Variants in TUBGCP4 observed in about 807,000 individuals in gnomAD.
TUBGCP4 encodes the protein tubulin gamma complex component 4.
TUBGCP4 carries 54 observed loss-of-function variants against 91.6 expected under a neutral mutation model. The ratio of observed to expected loss-of-function variants is 0.59; its 90% CI spans 0.47 to 0.74. The LOEUF (loss-of-function observed/expected upper bound fraction) is 0.74, where lower values mean the gene tolerates loss of function less well. Among genes scored for constraint, TUBGCP4 ranks in the 30% least tolerant of loss-of-function variants. The probability of loss-of-function intolerance (pLI) is 0.00; values close to 1 mark genes in which losing one functional copy is unlikely to be tolerated. For synonymous variants in TUBGCP4, 297 were observed against 302.8 expected (o/e 0.98, Z 0.20); for missense variants, 593 against 800.9 (o/e 0.74, Z 3.13).
chr15:43,381,178 TTC>T (rs1430866593), intron 6 of TUBGCP4, among the ~76,000 whole-genome samples: 12 of 152,198 alleles, frequency 7.9e-5, no homozygotes, highest in African/African-American at 2.9e-4. Flanking sequence ...AGGGACTTAA[TTC>T]TCTATTATAC....
rs1280708021 is a variant in TUBGCP4, at chr15:43,395,142, A to G, written c.1050A>G (p.Leu350=). The part of the protein sequence containing the change: ...LWKLMVEESD[L]LGQLKIIKDF... ...AGTTGATGGTAGAAGAATCCGATTT[A>G]CTGGGTCAGCTGAAGGTAATGGCTT... Residue 350 remains leucine, a synonymous_variant, in exon 10 of 18, where the codon TTA becomes TTG. Coordinates refer to ENST00000564079, the MANE Select transcript of TUBGCP4 (RefSeq NM_014444.5). The G allele has an allele frequency of 1.2e-6, 2 of 1,613,996 alleles. No homozygotes were observed. Among genetic ancestry groups the G allele is most frequent in the Admixed American group, 1.7e-5 (1 of 59,992 alleles).
rs368398415 is a variant in TUBGCP4, at chr15:43,371,364, G to A, written c.10G>A (p.Glu4Lys). 1.2e-6 allele frequency: 2 copies of A among 1,613,894 alleles called. No individual in the cohort carries two copies. The highest frequency in any genetic ancestry group is 1.3e-5 in the African/African-American group (1 of 74,926). Residue 4 changes from glutamate to lysine, a missense_variant, in exon 1 of 18, where the codon GAA (glutamate) becomes AAA (lysine). Physicochemically the swap from Glu to Lys is moderately conservative, Grantham distance 56. Coordinates refer to ENST00000564079, the MANE Select transcript of TUBGCP4 (RefSeq NM_014444.5). ...GAGGTCCGCCGTGGGAATGATCCACGAACTGCTCTTGGCTCTGAGCGGGTA... is the reference window on the plus strand; with the variant it reads ...GAGGTCCGCCGTGGGAATGATCCACAAACTGCTCTTGGCTCTGAGCGGGTA... MIH[E>K]LLLALSGYPG...
At position 43,408,758 on chromosome 15, in the gene TUBGCP4, A is replaced by G. The variant is rs967661756; in HGVS notation, c.*3544A>G. 1.9e-5 allele frequency: 15 copies of G among 786,482 alleles called. No individual in the cohort carries two copies. Among genetic ancestry groups the G allele is most frequent in the Non-Finnish European group, 3.0e-5 (15 of 494,146 alleles). The allele number at this position is 786,482 out of a possible 1,614,324, so 48.7% of individuals were successfully genotyped here. ...GGAAATAAACTAGATAAACTCCTGA[A>G]GTCATTTCAAACCCACTCAAATTTA... is the stretch of plus-strand genomic sequence containing the variant. On this transcript the variant is annotated 3_prime_UTR_variant, in exon 18 of 18. Coordinates refer to ENST00000564079, the MANE Select transcript of TUBGCP4 (RefSeq NM_014444.5).
intron 9 of TUBGCP4, among the ~76,000 whole-genome samples, chr15:43,392,068 A>T (rs1006907246): frequency 4.3e-5 from 6 of 141,008 alleles, no homozygotes; most frequent in African/African-American, 1.7e-4. Flanking sequence ...ATAAAATAAA[A>T]TAGAGATACA....
chr15:43,381,098 C>T (rs895338299), intron 6 of TUBGCP4, among the ~76,000 whole-genome samples: 7 of 152,264 alleles, frequency 4.6e-5, no homozygotes, highest in African/African-American at 1.7e-4. Flanking sequence ...TGAGCCACCG[C>T]ACCCGGCCAC....
rs2044348351 is a variant in TUBGCP4 at position 43,385,829 on chromosome 15, G to A, written c.762G>A (p.Leu254=). ...IEEENMLAPS[L]KQFSLRVEIL... is the part of the protein sequence containing the mutation. ...AAGAGAACATGCTGGCACCATCTCT[G>A]AAGCAGTTTTCCCTACGAGTGGAGA... Residue 254 remains leucine (L), a synonymous_variant, in exon 8 of 18, where the codon CTG becomes CTA. Coordinates refer to ENST00000564079, the MANE Select transcript of TUBGCP4 (RefSeq NM_014444.5). 2 of 1,614,134 alleles carry A rather than the reference G, an allele frequency of 1.2e-6. No homozygotes were observed. Among genetic ancestry groups the A allele is most frequent in the Non-Finnish European group, 1.7e-6 (2 of 1,180,022 alleles).
intron 4 of TUBGCP4, among the ~76,000 whole-genome samples, chr15:43,377,403 A>G (rs1406834416): frequency 6.6e-6 from 1 of 152,130 alleles, no homozygotes; most frequent in Admixed American, 6.5e-5. Context: ...TGGTTGGATC[A>G]CTTGAGGTCA....
chr15:43,400,290 G>A, intron 14 of TUBGCP4, 69 bp downstream of exon 14: 1 of 1,330,818 alleles, frequency 7.5e-7, no homozygotes, highest in Non-Finnish European at 1.1e-6. Context: ...AGGGAGTATT[G>A]AATAGGGACT....
rs980065602 is a variant in TUBGCP4 at position 43,408,376 on chromosome 15, G to A, written c.*3162G>A. 9.3e-6 allele frequency: 3 copies of A among 320,980 alleles called. No individual in the cohort carries two copies. The highest frequency in any genetic ancestry group is 9.7e-4 in the Middle Eastern group (1 of 1,034). 19.9% of individuals were successfully genotyped at this position (320,980 alleles called of 1,614,324 possible). The stretch of plus-strand genomic sequence containing the variant: ...AGTGCCTGTAGTCCCAGCAGCTTGG[G>A]AGGCTGAGGTAGGGGGATCACTTCA... On this transcript the variant is annotated 3_prime_UTR_variant, in exon 18 of 18. Transcript: ENST00000564079.
intron 9 of TUBGCP4, chr15:43,391,574 C>T (rs929075502): frequency 6.6e-5 from 10 of 152,234 alleles, no homozygotes; most frequent in Admixed American, 5.2e-4. Flanking sequence ...TGGTCCCCCA[C>T]TCCCAGGTGG....
chr15:43,380,027 T>C, intron 5 of TUBGCP4, 57 bp from the exon 6 acceptor site: 3 of 1,526,504 alleles, frequency 2.0e-6, no homozygotes, highest in Non-Finnish European at 2.7e-6. Context: ...AATAAGAATG[T>C]GTCTTGCATG....
Position 43,408,661 on chromosome 15 carries a change from C to T in TUBGCP4, c.*3447C>T, listed in dbSNP as rs1172071848. The T allele has an allele frequency of 4.0e-6, 2 of 505,232 alleles. No individual in the cohort carries two copies. Among genetic ancestry groups the T allele is most frequent in the South Asian group, 2.6e-5 (1 of 39,022 alleles). 31.3% of individuals were successfully genotyped at this position (505,232 alleles called of 1,614,324 possible). A position where few individuals can be genotyped will look rare whatever the true frequency, so the allele number is the denominator to read the frequency against. ...CTTAAAACTTAGTTCTCTGACTTTA[C>T]AGGTTGAGAATATTGAACCTATATA... On this transcript the variant is annotated 3_prime_UTR_variant, in exon 18 of 18. Coordinates refer to ENST00000564079, the MANE Select transcript of TUBGCP4 (RefSeq NM_014444.5).
intron 1 of TUBGCP4, among the ~76,000 whole-genome samples, chr15:43,373,435 A>G (rs1412550921): frequency 6.6e-6 from 1 of 152,240 alleles, no homozygotes; most frequent in African/African-American, 2.4e-5. Context: ...TTAATAATAT[A>G]AAATTGCTTA....
chr15:43,392,452 GTTTC>G (rs1457056754), intron 9 of TUBGCP4, among the ~76,000 whole-genome samples: 1 of 151,912 alleles, frequency 6.6e-6, no homozygotes, highest in Non-Finnish European at 1.5e-5. Context: ...TCTATTGCAG[GTTTC>G]TTTATGGACT....
At position 43,380,386 on chromosome 15, in the gene TUBGCP4, GCCTGGATGA is replaced by G. The variant is rs534483006; in HGVS notation, c.521+227_521+235del. On this transcript the variant is annotated intron_variant, in intron 6 of 17. Transcript: ENST00000564079. ...TGAGTGACAAAGCCAGGATTTAGGT[GCCTGGATGA>G]CCTTGAGGCAATCTTTTTAAATGTT... Among the ~76,000 whole-genome samples the G allele has an allele frequency of 6.0e-4, 91 of 152,344 alleles. No homozygotes were observed. The Middle Eastern group carries it at 0.017, about 28-fold the overall frequency.
chr15:43,374,454 A>AT (rs2044171733), intron 1 of TUBGCP4, among the ~76,000 whole-genome samples: 1 of 152,006 alleles, frequency 6.6e-6, no homozygotes, highest in African/African-American at 2.4e-5. Flanking sequence ...ACAAAAAAAA[A>AT]ATTTTTAATT....
intron 5 of TUBGCP4, 98 bp downstream of exon 5, chr15:43,378,001 GTAGTTTTTAT>G: frequency 1.1e-6 from 1 of 924,428 alleles, no homozygotes; most frequent in Middle Eastern, 3.2e-4. Context: ...CTAGTTTTTA[GTAGTTTTTAT>G]TTATTCATTC....
Position 43,398,193 on chromosome 15 carries a change from A to T in TUBGCP4, c.1418+14A>T. ...TGTCCTGGAAAAGTGAGTATTTCTGAGTTTCTCACAGGTAAATATGACCCA... is the reference window on the plus strand; with the variant it reads ...TGTCCTGGAAAAGTGAGTATTTCTGTGTTTCTCACAGGTAAATATGACCCA... On this transcript the variant is annotated intron_variant, in intron 13 of 17. Transcript: ENST00000564079. The T allele has an allele frequency of 6.2e-7, 1 of 1,605,716 alleles. No individual in the cohort carries two copies. Among genetic ancestry groups the T allele is most frequent in the Non-Finnish European group, 8.5e-7 (1 of 1,175,204 alleles).
intron 9 of TUBGCP4, among the ~76,000 whole-genome samples, chr15:43,386,711 C>A (rs1595486601): frequency 9.5e-6 from 1 of 104,972 alleles, no homozygotes; most frequent in African/African-American, 4.2e-5. Flanking sequence ...GGCAACAGAG[C>A]AAGACTCTGT....
Sources: gnomAD v4.1 joint callset for allele counts (sites outside exome capture counted in the v4.1 genomes callset) on GRCh38, gnomAD v4.1.1 for gene constraint, MANE v1.5 for transcripts, NCBI Gene and HGNC (gene_info 2026-07-23, HGNC 2026-07-21) for gene names.